Variants in ERC2 observed in about 807,000 individuals in gnomAD.
ERC2 encodes the protein ERC protein 2.
Under a neutral mutation model 114.8 loss-of-function variants are expected in ERC2, and 42 were observed. The ratio of observed to expected loss-of-function variants is 0.37; its 90% CI spans 0.29 to 0.47. The LOEUF (loss-of-function observed/expected upper bound fraction) is 0.47. ERC2 is among the 20% of genes least tolerant of loss of function. ERC2 has a pLI of 0.99. For missense variants in ERC2, 939 were observed against 1,150.7 expected (o/e 0.82, Z 2.66); for synonymous variants, 454 against 425.5 (o/e 1.07, Z -0.82).
At chr3:56,173,097 C>T (rs544948517) in intron 4 of ERC2, among the ~76,000 whole-genome samples, 10 of 152,218 alleles carry the variant, frequency 6.6e-5, no homozygotes, top group African/African-American at 2.4e-4. Flanking sequence ...CTCAAAGGTG[C>T]TTTTTATTGT....
At chr3:55,875,938 A>G (rs968842004) in intron 14 of ERC2, among the ~76,000 whole-genome samples, 1 of 152,296 alleles carries the variant, frequency 6.6e-6, no homozygotes, top group African/African-American at 2.4e-5. Flanking sequence ...TAAGAGAAGA[A>G]GGAAGAGAGG....
At chr3:55,737,319 C>G (rs1157971950) in intron 14 of ERC2, among the ~76,000 whole-genome samples, 1 of 152,200 alleles carries the variant, frequency 6.6e-6, no homozygotes, top group Non-Finnish European at 1.5e-5. Context: ...GCAGGCTGGA[C>G]TACCGGCAGC....
chr3:56,314,513 T>TG (rs2056774190), intron 2 of ERC2, among the ~76,000 whole-genome samples: 1 of 5,066 alleles, frequency 2.0e-4, no homozygotes, highest in Non-Finnish European at 4.2e-4. Flanking sequence ...GGTGGGGGGG[T>TG]GGGGTCAGTG....
Position 56,304,734 on chromosome 3 carries a change from T to C in ERC2, c.658-8299A>G, listed in dbSNP as rs191891620. ...ATTAGACAAAGTATTCTATAAATAA[T>C]GTTAACAGAGTAAAGATGAAAAATA... is the stretch of plus-strand genomic sequence containing the variant. On this transcript the variant is annotated intron_variant, in intron 2 of 17. Coordinates refer to ENST00000288221, the MANE Select transcript of ERC2 (RefSeq NM_015576.3). Among the ~76,000 whole-genome samples, 665 of 152,320 alleles carry C rather than the reference T, an allele frequency of 4.4e-3. 8 individuals are homozygous for C. Among genetic ancestry groups the C allele is most frequent in the African/African-American group, 0.015 (644 of 41,566 alleles).
At chr3:55,691,310 T>A (rs573076760) in intron 16 of ERC2, among the ~76,000 whole-genome samples, 2 of 152,054 alleles carry the variant, frequency 1.3e-5, no homozygotes, top group South Asian at 4.1e-4. Flanking sequence ...AAGAGGCAAG[T>A]GGCTCTCAAG....
intron 12 of ERC2, among the ~76,000 whole-genome samples, chr3:55,981,274 A>G (rs1319721372): frequency 6.6e-6 from 1 of 152,246 alleles, no homozygotes; most frequent in Non-Finnish European, 1.5e-5. Context: ...CTTGGGCATA[A>G]AATTTTCTGA....
chr3:56,186,848 G>T (rs1057047424), intron 3 of ERC2, among the ~76,000 whole-genome samples: 1 of 152,138 alleles, frequency 6.6e-6, no homozygotes, highest in African/African-American at 2.4e-5. Context: ...CAGTCCTACT[G>T]TTTCTTATAT....
intron 14 of ERC2, among the ~76,000 whole-genome samples, chr3:55,757,665 A>G (rs1006453609): frequency 5.9e-5 from 9 of 152,300 alleles, no homozygotes; most frequent in African/African-American, 2.2e-4. Context: ...TGCTTGACAC[A>G]TGGTAAGCAT....
chr3:56,377,224 G>A (rs1021335345), intron 2 of ERC2, among the ~76,000 whole-genome samples: 2 of 152,070 alleles, frequency 1.3e-5, no homozygotes, highest in Non-Finnish European at 2.9e-5. Flanking sequence ...ATATGCATAG[G>A]AAAAAGACCA....
In ERC2 at chr3:56,008,319, G is replaced by A. The variant is rs1370622638; in HGVS notation, c.1921-998C>T. Among the ~76,000 whole-genome samples the A allele has an allele frequency of 5.3e-4, 80 of 152,108 alleles. 2 individuals carry two copies. Among genetic ancestry groups the A allele is most frequent in the Admixed American group, 5.2e-3 (80 of 15,254 alleles). ...CAAGGTGCTTCTAAAGCCCTCTGGG[G>A]AACAGGTGAGCCATTCTCATTCTTC... On this transcript the variant is annotated intron_variant, in intron 9 of 17. Coordinates refer to ENST00000288221, the MANE Select transcript of ERC2 (RefSeq NM_015576.3).
At chr3:55,518,252 G>C (rs890190862) in intron 17 of ERC2, among the ~76,000 whole-genome samples, 2 of 152,186 alleles carry the variant, frequency 1.3e-5, no homozygotes, top group Non-Finnish European at 2.9e-5. Flanking sequence ...TATGTTGGTA[G>C]ATATGTACAG....
intron 14 of ERC2, among the ~76,000 whole-genome samples, chr3:55,840,870 C>A (rs576241866): frequency 2.0e-5 from 3 of 152,144 alleles, no homozygotes; most frequent in Non-Finnish European, 4.4e-5. Flanking sequence ...ATTGACGATT[C>A]CATTTACGTA....
At chr3:55,578,170 A>G (rs567057049) in intron 17 of ERC2, among the ~76,000 whole-genome samples, 2 of 152,298 alleles carry the variant, frequency 1.3e-5, no homozygotes, top group Admixed American at 6.5e-5. Context: ...GGGTCTTCCA[A>G]ATTTACTCAT....
chr3:56,078,780 G>A (rs1186486769), intron 7 of ERC2, among the ~76,000 whole-genome samples: 6 of 151,502 alleles, frequency 4.0e-5, no homozygotes, highest in African/African-American at 1.2e-4. Context: ...CTAAACATAC[G>A]GGGGAAAAGT....
chr3:55,555,231 G>GA (rs1323121219), intron 17 of ERC2, among the ~76,000 whole-genome samples: 31 of 152,330 alleles, frequency 2.0e-4, no homozygotes, highest in South Asian at 8.3e-4. Context: ...AAATGTTTAT[G>GA]AAAAACGGGA....
At chr3:55,526,752 G>A (rs901539548) in intron 17 of ERC2, among the ~76,000 whole-genome samples, 1 of 152,152 alleles carries the variant, frequency 6.6e-6, no homozygotes. Flanking sequence ...GAGGGGACTC[G>A]TCCCCGGGCC....
chr3:55,731,179 G>A (rs914475506), intron 15 of ERC2, among the ~76,000 whole-genome samples: 3 of 147,746 alleles, frequency 2.0e-5, no homozygotes, highest in Non-Finnish European at 3.0e-5. Context: ...TGCTCCACAA[G>A]TGCTTTGGCT....
intron 17 of ERC2, among the ~76,000 whole-genome samples, chr3:55,647,597 C>G (rs915683541): frequency 1.7e-4 from 26 of 152,024 alleles, no homozygotes; most frequent in African/African-American, 5.6e-4. Flanking sequence ...GAGAGAGAGA[C>G]AGAGATAGCA....
At chr3:55,793,976 T>A (rs550466085) in intron 14 of ERC2, among the ~76,000 whole-genome samples, 6 of 152,214 alleles carry the variant, frequency 3.9e-5, no homozygotes, top group Non-Finnish European at 7.4e-5. Flanking sequence ...GATTAGAATT[T>A]CTTTCTGGAC....
Sources: gnomAD v4.1 joint callset for allele counts (sites outside exome capture counted in the v4.1 genomes callset) on GRCh38, gnomAD v4.1.1 for gene constraint, MANE v1.5 for transcripts, NCBI Gene and HGNC (gene_info 2026-07-23, HGNC 2026-07-21) for gene names.